The following INPP5F variants were observed in gnomAD, a reference collection of about 807,000 sequenced individuals.
The protein encoded by INPP5F is phosphatidylinositide 4-phosphatase SAC2.
Under a neutral mutation model 137.2 loss-of-function variants are expected in INPP5F, and 97 were observed. The observed-to-expected ratio is 0.71, with a 90% confidence interval of 0.60 to 0.84. INPP5F has a LOEUF of 0.84. Ranked by LOEUF, INPP5F falls within the 40% of genes least tolerant of loss-of-function variation. The pLI is 0.00. For missense variants in INPP5F, 1,271 were observed against 1,371.9 expected (o/e 0.93, Z 1.16); for synonymous variants, 504 against 476.9 (o/e 1.06, Z -0.74).
intron 2 of INPP5F, among the ~76,000 whole-genome samples, chr10:119,756,050 G>C (rs1159027801): frequency 6.6e-6 from 1 of 152,076 alleles, no homozygotes; most frequent in African/African-American, 2.4e-5. Flanking sequence ...CAGCTACTCG[G>C]GAGGCTGAGG....
At position 119,802,243 on chromosome 10, in the gene INPP5F, C is replaced by G. The variant is rs139761355; in HGVS notation, c.1117-1930C>G. Among the ~76,000 whole-genome samples, 684 of 151,676 alleles carry G rather than the reference C, an allele frequency of 4.5e-3. 36 individuals are homozygous for G. The South Asian group carries it at 0.11, about 25-fold the overall frequency. The stretch of plus-strand genomic sequence containing the variant: ...TGATGTGGAACTGCTACAGCTCTCT[C>G]AAGACTGTGAAGGAACCAGCCTCAG... On this transcript the variant is annotated intron_variant, in intron 9 of 19. Transcript: ENST00000650623.
intron 6 of INPP5F, among the ~76,000 whole-genome samples, chr10:119,795,357 C>T (rs1850331416): frequency 1.3e-5 from 2 of 150,596 alleles, no homozygotes; most frequent in East Asian, 4.0e-4. Flanking sequence ...CCTCACTTCT[C>T]AGACGGGGCG....
chr10:119,808,816 A>G (rs1850908390), intron 13 of INPP5F, among the ~76,000 whole-genome samples: 1 of 152,232 alleles, frequency 6.6e-6, no homozygotes, highest in Admixed American at 6.5e-5. Flanking sequence ...GTTCATCTCA[A>G]GGTACTTCTT....
intron 14 of INPP5F, among the ~76,000 whole-genome samples, chr10:119,810,972 G>GAC (rs1425708015): frequency 1.3e-5 from 2 of 152,294 alleles, no homozygotes; most frequent in East Asian, 3.9e-4. Flanking sequence ...AGTCTGATGT[G>GAC]AAGATGTTTG....
intron 2 of INPP5F, among the ~76,000 whole-genome samples, chr10:119,771,843 GAGATATATATATATATATAT>G (rs1849346201): frequency 4.9e-5 from 2 of 40,868 alleles, no homozygotes; most frequent in Non-Finnish European, 8.8e-5. Flanking sequence ...ATAAAGTATG[GAGATATATATATATATATAT>G]ATATATATAT....
intron 12 of INPP5F, 50 bp from the exon 13 acceptor site, chr10:119,807,882 T>G: frequency 6.6e-7 from 1 of 1,523,860 alleles, no homozygotes; most frequent in Admixed American, 2.2e-5. Flanking sequence ...CATTTTTTGC[T>G]ATGGTTTCCT....
At chr10:119,751,250 T>C in intron 2 of INPP5F, 94 bp downstream of exon 2, 1 of 798,448 alleles carries the variant, frequency 1.3e-6, no homozygotes, top group East Asian at 2.5e-5. Flanking sequence ...TCTTATAGCT[T>C]TGATTCCTTT....
rs1216832327 is a variant in INPP5F, at chr10:119,804,315, G to C, written c.1241+18G>C. The C allele has an allele frequency of 1.3e-6, 2 of 1,595,310 alleles. No homozygotes were observed. The highest frequency in any genetic ancestry group is 1.7e-4 in the Middle Eastern group (1 of 5,994). The stretch of plus-strand genomic sequence containing the variant: ...GAGCACTGGTAAGATGGCTTTCGGA[G>C]AATAGTGTTGATCAATTGCAGTGTT... On this transcript the variant is annotated intron_variant, in intron 10 of 19. Transcript: ENST00000650623.
intron 3 of INPP5F, among the ~76,000 whole-genome samples, chr10:119,789,266 T>G (rs959965361): frequency 9.2e-5 from 14 of 152,126 alleles, no homozygotes; most frequent in Admixed American, 8.5e-4. Flanking sequence ...TGTATCCCGT[T>G]TTGAATACTA....
intron 2 of INPP5F, among the ~76,000 whole-genome samples, chr10:119,764,100 C>T (rs1377519398): frequency 6.6e-6 from 1 of 152,198 alleles, no homozygotes; most frequent in African/African-American, 2.4e-5. Context: ...GCTCATCTCT[C>T]TTCTTTCTGA....
At chr10:119,740,584 C>T (rs1021414525) in intron 1 of INPP5F, among the ~76,000 whole-genome samples, 12 of 152,032 alleles carry the variant, frequency 7.9e-5, no homozygotes, top group Non-Finnish European at 1.5e-4. Context: ...ACTCTTTCGC[C>T]CAGGCTGGAG....
At chr10:119,768,291 C>G (rs1225948725) in intron 2 of INPP5F, 2 of 152,168 alleles carry the variant, frequency 1.3e-5, no homozygotes, top group African/African-American at 2.4e-5. Flanking sequence ...TAGTAGAGGT[C>G]TAAGGTGGAT....
At chr10:119,777,671 A>G (rs909124439) in intron 2 of INPP5F, among the ~76,000 whole-genome samples, 6 of 152,180 alleles carry the variant, frequency 3.9e-5, no homozygotes, top group South Asian at 2.1e-4. Context: ...GAAGATTTAC[A>G]TGTTAGGTTT....
intron 1 of INPP5F, among the ~76,000 whole-genome samples, 181 bp downstream of exon 1, chr10:119,726,540 G>C (rs1457000731): frequency 2.0e-5 from 3 of 152,194 alleles, no homozygotes; most frequent in Admixed American, 6.5e-5. Flanking sequence ...GCCTTTCTCC[G>C]AGACAGCGCC....
chr10:119,807,332 G>C (rs1329034027), intron 12 of INPP5F, among the ~76,000 whole-genome samples: 1 of 152,130 alleles, frequency 6.6e-6, no homozygotes, highest in Non-Finnish European at 1.5e-5. Context: ...ACTGTACTTT[G>C]AGGACACGAA....
At chr10:119,819,029 G>A (rs1204790095) in intron 15 of INPP5F, 1 of 152,468 alleles carries the variant, frequency 6.6e-6, no homozygotes. Context: ...CGGCTTTTAT[G>A]CGACCATTGT....
chr10:119,811,557 A>T (rs1016934458), intron 14 of INPP5F, among the ~76,000 whole-genome samples, 200 bp from the exon 15 acceptor site: 4 of 152,118 alleles, frequency 2.6e-5, no homozygotes, highest in African/African-American at 9.7e-5. Context: ...TATGATGTCC[A>T]GTTTGTCTGT....
At chr10:119,735,236 G>C (rs1228338311) in intron 1 of INPP5F, among the ~76,000 whole-genome samples, 1 of 152,148 alleles carries the variant, frequency 6.6e-6, no homozygotes, top group Non-Finnish European at 1.5e-5. Flanking sequence ...AATACAGGTT[G>C]ATTTTAGGTC....
rs913822268 is a variant in INPP5F at position 119,829,034 on chromosome 10, T to A, written c.*1254T>A. The A allele has an allele frequency of 6.6e-6, 1 of 152,648 alleles. No homozygotes were observed. Among genetic ancestry groups the A allele is most frequent in the Non-Finnish European group, 1.5e-5 (1 of 68,042 alleles). 9.5% of individuals were successfully genotyped at this position (152,648 alleles called of 1,614,324 possible). A position where few individuals can be genotyped will look rare whatever the true frequency, so the allele number is the denominator to read the frequency against. ...AAGTGACTGATTCTCAACTGAACAT[T>A]ATGTCGTTACTTTGATAAGCATTCC... On this transcript the variant is annotated 3_prime_UTR_variant, in exon 20 of 20. Coordinates refer to ENST00000650623, the MANE Select transcript of INPP5F (RefSeq NM_014937.4).
Sources: allele counts gnomAD v4.1 joint callset (sites outside exome capture counted in the v4.1 genomes callset), GRCh38; gene constraint gnomAD v4.1.1; transcripts MANE v1.5; gene names NCBI Gene and HGNC (gene_info 2026-07-23, HGNC 2026-07-21).